PRR16: variants seen among roughly 807,000 people sequenced by gnomAD.
The protein encoded by PRR16 is proline rich 16, also known as protein Largen.
Under a neutral mutation model 18.2 loss-of-function variants are expected in PRR16, and 6 were observed. The observed-to-expected ratio is 0.33, with a 90% CI of 0.18 to 0.65. The LOEUF (loss-of-function observed/expected upper bound fraction) is 0.65. PRR16 is among the 30% of genes least tolerant of loss of function. The pLI, the probability that PRR16 is intolerant of heterozygous loss-of-function variation, is 0.74. For missense variants in PRR16, 412 were observed against 376.6 expected (o/e 1.09, Z -0.78); for synonymous variants, 151 against 147.8 (o/e 1.02, Z -0.16).
chr5:120,651,937 G>A (rs201483850), intron 1 of PRR16, among the ~76,000 whole-genome samples: 23 of 151,962 alleles, frequency 1.5e-4, no homozygotes, highest in African/African-American at 5.1e-4. Context: ...CCATTTTCAC[G>A]ATATTGATTC....
the PRR16 span, among the ~76,000 whole-genome samples, chr5:120,778,109 T>G: frequency 2.0e-5 from 3 of 152,066 alleles, no homozygotes; most frequent in African/African-American, 7.2e-5. Flanking sequence ...AAACCTAAAA[T>G]TAATTACAAG....
chr5:120,780,427 C>T, the PRR16 span, among the ~76,000 whole-genome samples: 7 of 151,906 alleles, frequency 4.6e-5, no homozygotes, highest in African/African-American at 1.7e-4. Flanking sequence ...TATTTGTGCC[C>T]ATAACAGGCA....
chr5:120,541,503 G>A (rs1035195970), intron 1 of PRR16, among the ~76,000 whole-genome samples: 3 of 152,068 alleles, frequency 2.0e-5, no homozygotes, highest in African/African-American at 4.8e-5. Flanking sequence ...GTCATTTCTC[G>A]TCACAAGGTG....
chr5:120,469,997 A>G (rs1749217247), intron 1 of PRR16, among the ~76,000 whole-genome samples: 1 of 152,222 alleles, frequency 6.6e-6, no homozygotes, highest in Non-Finnish European at 1.5e-5. Context: ...AATAGGTTTC[A>G]TTATTACCTG....
At chr5:120,668,860 C>T (rs981032326) in intron 1 of PRR16, among the ~76,000 whole-genome samples, 6 of 152,164 alleles carry the variant, frequency 3.9e-5, no homozygotes, top group East Asian at 3.9e-4. Flanking sequence ...GTGGGTAACC[C>T]GACCTTTCTC....
the PRR16 span, among the ~76,000 whole-genome samples, chr5:120,782,740 C>T: frequency 6.6e-6 from 1 of 152,046 alleles, no homozygotes; most frequent in Non-Finnish European, 1.5e-5. Flanking sequence ...ACAAACAGAG[C>T]CCTGAATTTT....
chr5:120,665,425 G>A (rs1219111819), intron 1 of PRR16, among the ~76,000 whole-genome samples: 1 of 151,808 alleles, frequency 6.6e-6, no homozygotes, highest in African/African-American at 2.4e-5. Flanking sequence ...CACTCTGATG[G>A]TAGTTTCTTT....
chr5:120,683,124 G>T (rs74321795), intron 1 of PRR16, among the ~76,000 whole-genome samples: 8,850 of 152,156 alleles, frequency 0.058, 316 homozygotes, highest in South Asian at 0.085. Context: ...CAGAGTTGAG[G>T]ACTGAGAGTT....
intron 1 of PRR16, among the ~76,000 whole-genome samples, chr5:120,529,975 C>T (rs1751491818): frequency 6.7e-6 from 1 of 150,050 alleles, no homozygotes; most frequent in Non-Finnish European, 1.5e-5. Context: ...GTTTTGGGTG[C>T]TGGGAGGAAA....
chr5:120,673,573 G>A (rs1391180670), intron 1 of PRR16, among the ~76,000 whole-genome samples: 1 of 152,080 alleles, frequency 6.6e-6, no homozygotes, highest in East Asian at 1.9e-4. Flanking sequence ...ATCTAGAGTG[G>A]AATTTTATAT....
the PRR16 span, among the ~76,000 whole-genome samples, chr5:120,766,508 T>TTGATAA: frequency 6.6e-6 from 1 of 151,926 alleles, no homozygotes; most frequent in Non-Finnish European, 1.5e-5. Context: ...CATATATACA[T>TTGATAA]TGCAAACATC....
intron 1 of PRR16, among the ~76,000 whole-genome samples, chr5:120,572,156 T>A (rs901227436): frequency 7.2e-5 from 11 of 152,178 alleles, no homozygotes; most frequent in Admixed American, 5.9e-4. Context: ...CATATTGTAT[T>A]GGTCAAAGGA....
chr5:120,497,383 G>GCTT (rs772458976), intron 1 of PRR16, among the ~76,000 whole-genome samples: 1 of 106,954 alleles, frequency 9.3e-6, no homozygotes, highest in African/African-American at 4.5e-5. Context: ...TTGATGAACT[G>GCTT]ATTTTTTTTT....
the PRR16 span, among the ~76,000 whole-genome samples, chr5:120,694,214 T>C: frequency 1.3e-5 from 2 of 152,352 alleles, no homozygotes; most frequent in East Asian, 3.9e-4. Context: ...TTGCCTTAGT[T>C]GATGCTAATG....
chr5:120,560,215 G>C (rs1752534095), intron 1 of PRR16, among the ~76,000 whole-genome samples: 1 of 151,882 alleles, frequency 6.6e-6, no homozygotes, highest in African/African-American at 2.4e-5. Context: ...TCATGCTCCA[G>C]ATCTTAGAGG....
At chr5:120,473,881 C>A (rs1749351916) in intron 1 of PRR16, among the ~76,000 whole-genome samples, 1 of 152,076 alleles carries the variant, frequency 6.6e-6, no homozygotes, top group African/African-American at 2.4e-5. Flanking sequence ...GGAGGAAGTG[C>A]AATTTTAAAT....
chr5:120,532,010 G>T (rs1751566300), intron 1 of PRR16, among the ~76,000 whole-genome samples: 2 of 151,954 alleles, frequency 1.3e-5, no homozygotes, highest in Non-Finnish European at 2.9e-5. Flanking sequence ...TCCCTTTTTG[G>T]TTATGTTTGG....
intron 1 of PRR16, among the ~76,000 whole-genome samples, chr5:120,564,951 A>C (rs996454533): frequency 6.8e-6 from 1 of 146,754 alleles, no homozygotes; most frequent in Non-Finnish European, 1.5e-5. Context: ...GCGCCACTGC[A>C]CTCCAGCCTG....
intron 1 of PRR16, among the ~76,000 whole-genome samples, chr5:120,656,589 TGCTATGAAAA>T (rs1755986387): frequency 6.6e-6 from 1 of 151,838 alleles, no homozygotes; most frequent in Non-Finnish European, 1.5e-5. Flanking sequence ...ACAAAAAATA[TGCTATGAAAA>T]GCACACATTT....
Sources: gnomAD v4.1 joint callset for allele counts (sites outside exome capture counted in the v4.1 genomes callset) on GRCh38, gnomAD v4.1.1 for gene constraint, MANE v1.5 for transcripts, NCBI Gene and HGNC (gene_info 2026-07-23, HGNC 2026-07-21) for gene names.